The following SYNPO2 variants were observed in gnomAD, a reference collection of about 807,000 sequenced individuals.
SYNPO2 encodes synaptopodin 2.
A neutral mutation model predicts 85.0 loss-of-function variants in SYNPO2; 56 were observed. The observed-to-expected ratio is 0.66, with a 90% CI of 0.53 to 0.82. SYNPO2 has a LOEUF of 0.82. Ranked by LOEUF, SYNPO2 falls within the 40% of genes least tolerant of loss-of-function variation. The probability of loss-of-function intolerance (pLI) is 0.00; values close to 1 mark genes in which losing one functional copy is unlikely to be tolerated. For missense variants in SYNPO2, 1,575 were observed against 1,534.2 expected, an observed-to-expected ratio of 1.03 and a Z score of -0.44; for synonymous variants, 602 against 591.1, an observed-to-expected ratio of 1.02 and a Z score of -0.27.
chr4:118,988,760 G>A (rs1736309308), intron 1 of SYNPO2, among the ~76,000 whole-genome samples: 1 of 152,178 alleles, frequency 6.6e-6, no homozygotes, highest in Non-Finnish European at 1.5e-5. Context: ...AGCTACAGGA[G>A]CCTCACACTT....
At chr4:119,026,504 T>C in intron 2 of SYNPO2, 123 bp from the exon 3 acceptor site, 3 of 1,087,868 alleles carry the variant, frequency 2.8e-6, no homozygotes, top group Admixed American at 2.6e-5. Flanking sequence ...ATGTTGCAAC[T>C]GACATTTAGA....
chr4:119,049,546 C>T (rs1738971728), intron 4 of SYNPO2, among the ~76,000 whole-genome samples: 1 of 152,198 alleles, frequency 6.6e-6, no homozygotes, highest in Admixed American at 6.5e-5. Context: ...ACACATACAT[C>T]AGATTTATCT....
chr4:118,854,451 C>T (rs11098460), intron 1 of SYNPO2, among the ~76,000 whole-genome samples: 50,367 of 151,960 alleles, frequency 0.33, 9,817 homozygotes, highest in East Asian at 0.55. Context: ...GAAAACCAGC[C>T]AATTCAAAAT....
At chr4:118,908,010 G>A (rs769999022) in intron 1 of SYNPO2, among the ~76,000 whole-genome samples, 23 of 151,964 alleles carry the variant, frequency 1.5e-4, no homozygotes, top group Non-Finnish European at 1.8e-4. Flanking sequence ...TAGATTGACC[G>A]TTATTGACTT....
chr4:118,952,400 CT>C (rs1184530691), intron 1 of SYNPO2, among the ~76,000 whole-genome samples: 4 of 151,184 alleles, frequency 2.6e-5, no homozygotes, highest in Non-Finnish European at 5.9e-5. Context: ...TATTATTATA[CT>C]TTAAGTTTTA....
chr4:118,990,979 C>T (rs1342436775), intron 1 of SYNPO2, among the ~76,000 whole-genome samples: 3 of 152,112 alleles, frequency 2.0e-5, no homozygotes, highest in African/African-American at 7.2e-5. Flanking sequence ...GAAAGCAGCT[C>T]CACATGCAGC....
chr4:118,908,646 C>G (rs1409366541), intron 1 of SYNPO2, among the ~76,000 whole-genome samples: 1 of 151,984 alleles, frequency 6.6e-6, no homozygotes, highest in East Asian at 1.9e-4. Context: ...AAAAATCTAT[C>G]CTAAAAAATA....
chr4:118,879,017 C>T (rs897300728), intron 1 of SYNPO2, among the ~76,000 whole-genome samples: 1 of 152,154 alleles, frequency 6.6e-6, no homozygotes, highest in African/African-American at 2.4e-5. Context: ...GACCATGAAC[C>T]CACAGGGAGG....
intron 1 of SYNPO2, among the ~76,000 whole-genome samples, chr4:119,007,266 ATATATATATG>A (rs1560972601): frequency 1.1e-3 from 72 of 63,414 alleles, no homozygotes; most frequent in East Asian, 3.7e-3. Context: ...ATATATATAT[ATATATATATG>A]TATATACATA....
At chr4:118,904,248 T>G (rs1425093376) in intron 1 of SYNPO2, among the ~76,000 whole-genome samples, 1 of 152,096 alleles carries the variant, frequency 6.6e-6, no homozygotes, top group African/African-American at 2.4e-5. Context: ...TTAAAAATTA[T>G]TATTAGCATG....
intron 1 of SYNPO2, among the ~76,000 whole-genome samples, chr4:118,867,217 A>G (rs1731714125): frequency 6.6e-6 from 1 of 152,212 alleles, no homozygotes; most frequent in East Asian, 1.9e-4. Context: ...ACACTTTAAA[A>G]GAACCAAGAG....
At chr4:118,965,948 T>G (rs188729049) in intron 1 of SYNPO2, among the ~76,000 whole-genome samples, 1 of 151,624 alleles carries the variant, frequency 6.6e-6, no homozygotes, top group African/African-American at 2.4e-5. Context: ...ATTAGCTGGA[T>G]GGAGACTGAG....
At chr4:118,916,766 T>C (rs532545638) in intron 1 of SYNPO2, among the ~76,000 whole-genome samples, 1 of 138,976 alleles carries the variant, frequency 7.2e-6, no homozygotes, top group Non-Finnish European at 1.5e-5. Flanking sequence ...AGGGTCTTAC[T>C]CTGTCCCCCG....
chr4:119,047,519 C>T lies in SYNPO2; in HGVS notation c.3253-9882C>T, dbSNP rs776335229. On this transcript the variant is annotated intron_variant, in intron 4 of 4. Coordinates refer to ENST00000307142, the MANE Select transcript of SYNPO2 (RefSeq NM_133477.3). ...TCTTCCATTTTCTAGATAAGAGAGT[C>T]CTAAAACAGAATTTCCAAAAACTCC... 3.1e-4 allele frequency among the ~76,000 whole-genome samples: 47 copies of T among 152,014 alleles called. 1 individual carries two copies. The highest frequency in any genetic ancestry group is 3.4e-3 in the Middle Eastern group (1 of 294).
intron 1 of SYNPO2, among the ~76,000 whole-genome samples, chr4:118,942,685 A>G (rs1038326309): frequency 6.6e-6 from 1 of 152,124 alleles, no homozygotes; most frequent in Non-Finnish European, 1.5e-5. Flanking sequence ...GCCACAGGGG[A>G]CATTTGGCAA....
chr4:119,017,579 C>T (rs1023751222), intron 1 of SYNPO2, among the ~76,000 whole-genome samples: 4 of 152,064 alleles, frequency 2.6e-5, no homozygotes, highest in African/African-American at 9.7e-5. Context: ...TTAATTGTTG[C>T]CTGAGATCAC....
intron 1 of SYNPO2, among the ~76,000 whole-genome samples, chr4:118,873,464 A>AT (rs1731840023): frequency 6.6e-6 from 1 of 151,974 alleles, no homozygotes; most frequent in Non-Finnish European, 1.5e-5. Flanking sequence ...GATGTGTAGC[A>AT]TTTTTCATAT....
intron 1 of SYNPO2, among the ~76,000 whole-genome samples, chr4:118,982,597 C>T (rs1394247916): frequency 6.6e-6 from 1 of 152,202 alleles, no homozygotes. Flanking sequence ...TGGTTCCGCT[C>T]ATCTCTGATC....
At chr4:119,020,863 T>A (rs1737695471) in intron 1 of SYNPO2, among the ~76,000 whole-genome samples, 1 of 152,190 alleles carries the variant, frequency 6.6e-6, no homozygotes, top group Non-Finnish European at 1.5e-5. Context: ...TCATTTTAAA[T>A]ATTTCATGCA....
Sources: allele counts gnomAD v4.1 joint callset (sites outside exome capture counted in the v4.1 genomes callset), GRCh38; gene constraint gnomAD v4.1.1; transcripts MANE v1.5; gene names NCBI Gene and HGNC (gene_info 2026-07-23, HGNC 2026-07-21).